The following SLC35F4 variants were observed in gnomAD, a reference collection of about 807,000 sequenced individuals.
SLC35F4 encodes the protein chromosome 14 open reading frame 36.
Under a neutral mutation model 44.2 loss-of-function variants are expected in SLC35F4, and 24 were observed. The observed-to-expected ratio is 0.54, with a 90% CI of 0.39 to 0.76. The LOEUF (loss-of-function observed/expected upper bound fraction) is 0.76. Among genes scored for constraint, SLC35F4 ranks in the 30% least tolerant of loss-of-function variants. The probability of loss-of-function intolerance (pLI) is 0.00; values close to 1 mark genes in which losing one functional copy is unlikely to be tolerated. For synonymous variants in SLC35F4, 238 were observed against 223.6 expected (o/e 1.06, Z -0.57); for missense variants, 562 against 586.1 (o/e 0.96, Z 0.42).
chr14:57,795,488 A>G (rs558859218), intron 1 of SLC35F4, among the ~76,000 whole-genome samples: 2 of 152,226 alleles, frequency 1.3e-5, no homozygotes, highest in Non-Finnish European at 2.9e-5. Context: ...CCAACTTTAC[A>G]TATTCAAATC....
intron 1 of SLC35F4, among the ~76,000 whole-genome samples, chr14:57,719,266 A>G (rs1278057542): frequency 1.3e-5 from 2 of 152,114 alleles, no homozygotes; most frequent in African/African-American, 4.8e-5. Flanking sequence ...AAGTCAGGTA[A>G]TGGGATTCCT....
At chr14:57,649,900 C>T (rs960182728) in intron 1 of SLC35F4, among the ~76,000 whole-genome samples, 20 of 152,226 alleles carry the variant, frequency 1.3e-4, no homozygotes, top group African/African-American at 4.8e-4. Flanking sequence ...ACTACCTGTG[C>T]CCTGCAGCCT....
intron 1 of SLC35F4, among the ~76,000 whole-genome samples, chr14:57,780,910 G>C (rs2077603741): frequency 1.3e-5 from 2 of 151,692 alleles, no homozygotes; most frequent in Admixed American, 1.3e-4. Context: ...ATATACAAAA[G>C]CCAACTCAAG....
At chr14:57,728,706 GC>G (rs1450572903) in intron 1 of SLC35F4, among the ~76,000 whole-genome samples, 4 of 151,926 alleles carry the variant, frequency 2.6e-5, no homozygotes, top group African/African-American at 9.7e-5. Context: ...CAAGTGATCT[GC>G]CCTCCTTGGC....
At chr14:57,896,062 G>A (rs1048725660) in intron 1 of SLC35F4, among the ~76,000 whole-genome samples, 32 of 151,994 alleles carry the variant, frequency 2.1e-4, no homozygotes, top group Non-Finnish European at 2.6e-4. Flanking sequence ...AAAATGCAGC[G>A]CAGACTGATC....
At chr14:57,638,184 C>G (rs1483047483) in intron 1 of SLC35F4, among the ~76,000 whole-genome samples, 1 of 152,088 alleles carries the variant, frequency 6.6e-6, no homozygotes, top group Non-Finnish European at 1.5e-5. Context: ...GTAACTGACA[C>G]CCTTGTTCCA....
intron 1 of SLC35F4, among the ~76,000 whole-genome samples, chr14:57,741,887 C>T (rs1270329107): frequency 6.6e-6 from 1 of 152,220 alleles, no homozygotes. Flanking sequence ...GGTACAAACT[C>T]TACAAGCCAG....
intron 1 of SLC35F4, among the ~76,000 whole-genome samples, chr14:57,933,984 C>T (rs990945225): frequency 6.6e-6 from 1 of 152,108 alleles, no homozygotes; most frequent in Admixed American, 6.5e-5. Flanking sequence ...GGTTTGCCAT[C>T]GGTCTTCATT....
chr14:57,617,230 A>G (rs1014836127), intron 1 of SLC35F4, among the ~76,000 whole-genome samples: 3 of 137,894 alleles, frequency 2.2e-5, no homozygotes, highest in Non-Finnish European at 4.6e-5. Context: ...TCCCGGGTTC[A>G]TGCCATTCTC....
At chr14:57,761,099 C>G (rs930704977) in intron 1 of SLC35F4, among the ~76,000 whole-genome samples, 5 of 152,142 alleles carry the variant, frequency 3.3e-5, no homozygotes, top group African/African-American at 1.2e-4. Flanking sequence ...CAGGAATAAG[C>G]TGGGGTGACT....
At chr14:57,795,104 T>C (rs2078023378) in intron 1 of SLC35F4, among the ~76,000 whole-genome samples, 1 of 152,202 alleles carries the variant, frequency 6.6e-6, no homozygotes, top group Admixed American at 6.6e-5. Context: ...TGAGCTAATG[T>C]GTGCTTATCA....
At chr14:57,564,897 T>C (rs2068128191) in intron 7 of SLC35F4, among the ~76,000 whole-genome samples, 1 of 152,226 alleles carries the variant, frequency 6.6e-6, no homozygotes, top group South Asian at 2.1e-4. Context: ...ACTCCTCAGC[T>C]TCTTATCCCA....
intron 1 of SLC35F4, among the ~76,000 whole-genome samples, chr14:57,861,630 A>G (rs1250404946): frequency 2.0e-5 from 3 of 152,138 alleles, no homozygotes; most frequent in Non-Finnish European, 4.4e-5. Flanking sequence ...TCTTGTCAAC[A>G]TTCTTGTCAA....
rs927246998 is a variant in SLC35F4 at position 57,737,892 on chromosome 14, G to A, written c.103+127831C>T. On this transcript the variant is annotated intron_variant, in intron 1 of 7. Coordinates refer to ENST00000556826, the MANE Select transcript of SLC35F4 (RefSeq NM_001306087.2). ...GATCTTCAACTCCAAAGTAAATAGA[G>A]ATAAGGCTTATTAGATTACAATATT... Among the ~76,000 whole-genome samples, 9 of 152,156 alleles carry A rather than the reference G, an allele frequency of 5.9e-5. No individual in the cohort carries two copies. In the East Asian group the frequency reaches 1.7e-3, roughly 29 times the overall value.
intron 1 of SLC35F4, among the ~76,000 whole-genome samples, chr14:57,784,597 C>T (rs988176638): frequency 5.3e-5 from 8 of 152,070 alleles, no homozygotes; most frequent in Admixed American, 2.6e-4. Flanking sequence ...GAATCTCTTG[C>T]GCCCAGGAGG....
At chr14:57,758,001 ATGTGTGTGTGTGTGTGTGTGTG>A (rs34860997) in intron 1 of SLC35F4, among the ~76,000 whole-genome samples, 10 of 129,022 alleles carry the variant, frequency 7.8e-5, no homozygotes, top group African/African-American at 2.9e-4. Context: ...TTATAGGTTC[ATGTGTGTGTGTGTGTGTGTGTG>A]TGTGTGTGTG....
chr14:57,677,022 C>T (rs2074717354), intron 1 of SLC35F4, among the ~76,000 whole-genome samples: 3 of 152,056 alleles, frequency 2.0e-5, no homozygotes, highest in Admixed American at 2.0e-4. Flanking sequence ...AAATGCCCAT[C>T]AACCAATGAG....
At chr14:57,937,617 AAAGAAAAG>A (rs1889834336) in intron 1 of SLC35F4, among the ~76,000 whole-genome samples, 1 of 110,172 alleles carries the variant, frequency 9.1e-6, no homozygotes, top group South Asian at 2.6e-4. Flanking sequence ...AAAGAAAAGA[AAAGAAAAG>A]AAAAGAAAAG....
At chr14:57,593,800 C>T in intron 2 of SLC35F4, 139 bp downstream of exon 2, 2 of 893,970 alleles carry the variant, frequency 2.2e-6, no homozygotes, top group Non-Finnish European at 3.4e-6. Flanking sequence ...GCTTCCTTAT[C>T]CTCCGGCTTG....
Sources: gnomAD v4.1 joint callset for allele counts (sites outside exome capture counted in the v4.1 genomes callset) on GRCh38, gnomAD v4.1.1 for gene constraint, MANE v1.5 for transcripts, NCBI Gene and HGNC (gene_info 2026-07-23, HGNC 2026-07-21) for gene names.